Variants in HNRNPAB observed in about 807,000 individuals in gnomAD.
HNRNPAB encodes heterogeneous nuclear ribonucleoprotein A/B.
A neutral mutation model predicts 44.1 loss-of-function variants in HNRNPAB; 17 were observed. The observed-to-expected ratio is 0.39, with a 90% CI of 0.26 to 0.58. The LOEUF is 0.58. Among genes scored for constraint, HNRNPAB ranks in the 20% least tolerant of loss-of-function variants. The pLI, the probability that HNRNPAB is intolerant of heterozygous loss-of-function variation, is 0.63. For missense variants in HNRNPAB, 393 were observed against 432.7 expected, an observed-to-expected ratio of 0.91 and a Z score of 0.81; for synonymous variants, 183 against 167.6, an observed-to-expected ratio of 1.09 and a Z score of -0.71.
Position 178,204,695 on chromosome 5 carries a change from C to T in HNRNPAB, c.-69C>T. On this transcript the variant is annotated 5_prime_UTR_variant, in exon 1 of 8. Coordinates refer to ENST00000358344, the MANE Select transcript of HNRNPAB (RefSeq NM_031266.3). ...TGCGGCCGAGCCTGCGGCGCCTTCC[C>T]CTGCGGGTGGGGACGAGCGGGCCCC... is the stretch of plus-strand genomic sequence containing the variant. The T allele has an allele frequency of 5.1e-6, 2 of 391,164 alleles. No homozygotes were observed. The highest frequency in any genetic ancestry group is 8.3e-6 in the Non-Finnish European group (2 of 241,140). 24.2% of individuals were successfully genotyped at this position (391,164 alleles called of 1,614,324 possible).
rs977298703 is a variant in HNRNPAB at position 178,204,940 on chromosome 5, G to C, written c.103G>C (p.Gly35Arg). The change falls in exon 2 of 8, where the codon GGC becomes CGC. Residue 35 changes from glycine (G) to arginine (R), a missense_variant. Gly to Arg is a moderately radical substitution (Grantham distance 125). Transcript: ENST00000358344. ...EGESPAGAGT[G>R]AAAGAGGATA... Reference sequence around the variant, plus strand: ...CGAGTCGCCGGCCGGGGCTGGCACGGGCGCCGCGGCGGGGGCTGGAGGCGC... The same window carrying C: ...CGAGTCGCCGGCCGGGGCTGGCACGCGCGCCGCGGCGGGGGCTGGAGGCGC... 2 of 1,210,402 alleles carry C rather than the reference G, an allele frequency of 1.7e-6. No homozygotes were observed. The highest frequency in any genetic ancestry group is 2.1e-6 in the Non-Finnish European group (2 of 974,262). The allele number at this position is 1,210,402 out of a possible 1,614,324, so 75.0% of individuals were successfully genotyped here. A position where few individuals can be genotyped will look rare whatever the true frequency, so the allele number is the denominator to read the frequency against.
chr5:178,205,691 G>A, intron 2 of HNRNPAB, 151 bp from the exon 3 acceptor site: 1 of 678,422 alleles, frequency 1.5e-6, no homozygotes, highest in Non-Finnish European at 2.5e-6. Context: ...CAATTTGGAG[G>A]GTAGTGGAGA....
At chr5:178,205,667 G>T in intron 2 of HNRNPAB, 175 bp from the exon 3 acceptor site, 1 of 620,678 alleles carries the variant, frequency 1.6e-6, no homozygotes, top group Non-Finnish European at 2.8e-6. Flanking sequence ...CCTCGTTAGG[G>T]TCCTGGTTGA....
At chr5:178,207,868 C>G (rs1045232720) in intron 5 of HNRNPAB, among the ~76,000 whole-genome samples, 1 of 151,920 alleles carries the variant, frequency 6.6e-6, no homozygotes, top group African/African-American at 2.4e-5. Flanking sequence ...ATGCCTGGCT[C>G]ATATGTTTTT....
In HNRNPAB at chr5:178,210,586, G is replaced by A. The variant is rs1313509398; in HGVS notation, c.962G>A (p.Arg321Gln). ...QGSTNYGKSQRRGGHQNNYKP... is the reference protein window; with the variant it reads ...QGSTNYGKSQQRGGHQNNYKP... Reference sequence around the variant, plus strand: ...AGTACAAACTACGGCAAGAGCCAGCGACGTGGTGGCCATCAGAATAACTAC... The same window carrying A: ...AGTACAAACTACGGCAAGAGCCAGCAACGTGGTGGCCATCAGAATAACTAC... Residue 321 changes from arginine to glutamine, a missense_variant, in exon 8 of 8, where the codon CGA (arginine) becomes CAA (glutamine). By Grantham distance (43) the Arg-to-Gln change is conservative. Around this residue, in one of 3 missense-constraint regions of HNRNPAB, gnomAD observed 210 missense variants for 196.9 expected, o/e 1.07. Transcript: ENST00000358344. 5.0e-6 allele frequency: 8 copies of A among 1,614,062 alleles called. No homozygotes were observed. Among genetic ancestry groups the A allele is most frequent in the East Asian group, 4.5e-5 (2 of 44,902 alleles).
At chr5:178,206,686 C>T (rs775800744) in intron 3 of HNRNPAB, 46 bp from the exon 4 acceptor site, 2 of 1,593,592 alleles carry the variant, frequency 1.3e-6, no homozygotes, top group Non-Finnish European at 1.7e-6. Context: ...AGGGCCTTGT[C>T]TGGCTCGTGC....
intron 4 of HNRNPAB, 94 bp downstream of exon 4, chr5:178,206,984 A>G: frequency 6.3e-7 from 1 of 1,586,214 alleles, no homozygotes; most frequent in South Asian, 1.1e-5. Flanking sequence ...CCTCCCAGGC[A>G]GGGCTTATTT....
At chr5:178,206,309 G>A (rs1459936377) in intron 3 of HNRNPAB, among the ~76,000 whole-genome samples, 2 of 152,178 alleles carry the variant, frequency 1.3e-5, no homozygotes, top group Non-Finnish European at 2.9e-5. Context: ...GTCCATGATT[G>A]GTATGATAGG....
At position 178,205,058 on chromosome 5, in the gene HNRNPAB, C is replaced by A; in HGVS notation, c.209+12C>A. The A allele has an allele frequency of 8.3e-7, 1 of 1,202,610 alleles. No individual in the cohort carries two copies. Among genetic ancestry groups the A allele is most frequent in the Non-Finnish European group, 1.0e-6 (1 of 969,034 alleles). 74.5% of individuals were successfully genotyped at this position (1,202,610 alleles called of 1,614,324 possible). A position where few individuals can be genotyped will look rare whatever the true frequency, so the allele number is the denominator to read the frequency against. ...GAGGAGGACGCGGGGTAGGTGCGGCCGCGGGCGGACGGGGGCGCCGCCTTT... is the reference window on the plus strand; with the variant it reads ...GAGGAGGACGCGGGGTAGGTGCGGCAGCGGGCGGACGGGGGCGCCGCCTTT... On this transcript the variant is annotated intron_variant, in intron 2 of 7. Transcript: ENST00000358344.
At chr5:178,207,363 C>T in intron 5 of HNRNPAB, 138 bp downstream of exon 5, 2 of 994,810 alleles carry the variant, frequency 2.0e-6, no homozygotes, top group Non-Finnish European at 2.9e-6. Flanking sequence ...CGTATGCTGC[C>T]CTGATTGGGG....
intron 2 of HNRNPAB, 43 bp downstream of exon 2, chr5:178,205,089 G>A (rs967180649): frequency 2.5e-5 from 30 of 1,182,824 alleles, no homozygotes; most frequent in African/African-American, 4.8e-5. Flanking sequence ...CCTTTGTTCC[G>A]GGGCCGCCTT....
rs1447116722 is a variant in HNRNPAB, at chr5:178,209,364, A to G, written c.704A>G (p.Tyr235Cys). ...AAGGTGGCCCAGCCCAAAGAAGTCT[A>G]TCAGCAGCAGCAGTATGGCTCTGGG... ...EIKVAQPKEV[Y>C]QQQQYGSGGR... is the part of the protein sequence containing the mutation. Residue 235 changes from tyrosine to cysteine, a missense_variant, in exon 6 of 8, where the codon TAT (tyrosine) becomes TGT (cysteine). Tyr to Cys is a radical substitution (Grantham distance 194, BLOSUM62 -2). Transcript: ENST00000358344. The G allele has an allele frequency of 6.2e-7, 1 of 1,614,210 alleles. No homozygotes were observed. The highest frequency in any genetic ancestry group is 2.2e-5 in the East Asian group (1 of 44,882).
rs1463291338 is a variant in HNRNPAB, at chr5:178,206,732, G to A, written c.379G>A (p.Val127Ile). Residue 127 changes from valine to isoleucine, a missense_variant and splice_region_variant, in exon 4 of 8, where the codon GTC (valine) becomes ATC (isoleucine). Transcript: ENST00000358344. ...LFKDAASVEK[V>I]LDQKEHRLDG... ...GCCTGACCCCTTTCTGTTGGAACAGGTCCTAGACCAGAAGGAGCACAGGCT... is the reference window on the plus strand; with the variant it reads ...GCCTGACCCCTTTCTGTTGGAACAGATCCTAGACCAGAAGGAGCACAGGCT... 8 of 1,613,502 alleles carry A rather than the reference G, an allele frequency of 5.0e-6. No homozygotes were observed. The highest frequency in any genetic ancestry group is 6.8e-6 in the Non-Finnish European group (8 of 1,179,968).
At position 178,205,952 on chromosome 5, in the gene HNRNPAB, C is replaced by T; in HGVS notation, c.320C>T (p.Thr107Ile). ...TGTACAATAAAAATGGATCCCAACACTGGACGGTCAAGAGGGTTTGGGTTT... is the reference window on the plus strand; with the variant it reads ...TGTACAATAAAAATGGATCCCAACATTGGACGGTCAAGAGGGTTTGGGTTT... Reference protein sequence around the residue: ...VDCTIKMDPNTGRSRGFGFIL... With the variant: ...VDCTIKMDPNIGRSRGFGFIL... Residue 107 changes from threonine (T) to isoleucine (I), a missense_variant, in exon 3 of 8, where the codon ACT (threonine) becomes ATT (isoleucine). This residue lies in a region of HNRNPAB where 102 missense variants were observed against 162.3 expected (regional missense o/e 0.63). Transcript: ENST00000358344. 6.2e-7 allele frequency: 1 copy of T among 1,614,178 alleles called. No individual in the cohort carries two copies. Among genetic ancestry groups the T allele is most frequent in the South Asian group, 1.1e-5 (1 of 91,082 alleles).
At chr5:178,210,466 T>C in intron 7 of HNRNPAB, 87 bp from the exon 8 acceptor site, 1 of 1,479,100 alleles carries the variant, frequency 6.8e-7, no homozygotes, top group Non-Finnish European at 9.3e-7. Flanking sequence ...TCACGGCTGG[T>C]GAGGGTCCTG....
rs769563411 is a variant in HNRNPAB, at chr5:178,210,190, C to T, written c.846C>T (p.Tyr282=). The T allele has an allele frequency of 8.7e-6, 14 of 1,612,826 alleles. No homozygotes were observed. The highest frequency in any genetic ancestry group is 6.7e-5 in the Admixed American group (4 of 59,942). ...YGNYWNQGYG[Y]QQGYGPGYGG... ...ACTACTGGAACCAGGGCTACGGCTA[C>T]CAGCAGGGCTACGGGCCTGGCTATG... Residue 282 remains tyrosine, a synonymous_variant, in exon 7 of 8, where the codon TAC becomes TAT. Transcript: ENST00000358344.
intron 7 of HNRNPAB, 22 bp downstream of exon 7, chr5:178,210,294 C>A: frequency 1.9e-6 from 3 of 1,613,934 alleles, no homozygotes; most frequent in Non-Finnish European, 2.5e-6. Context: ...AGAGGGAGGC[C>A]CCATCCGCTC....
rs1374193675 is a variant in HNRNPAB at position 178,210,958 on chromosome 5, A to G, written c.*335A>G. ...TGTAAAGAGTAAATTGTATCTTAGG[A>G]AACCAGTGTCACCTTTTTTTCACCT... On this transcript the variant is annotated 3_prime_UTR_variant, in exon 8 of 8. Coordinates refer to ENST00000358344, the MANE Select transcript of HNRNPAB (RefSeq NM_031266.3). 2.9e-5 allele frequency: 9 copies of G among 305,452 alleles called. No homozygotes were observed. The highest frequency in any genetic ancestry group is 5.5e-5 in the Non-Finnish European group (9 of 164,802). 18.9% of individuals were successfully genotyped at this position (305,452 alleles called of 1,614,324 possible). A position where few individuals can be genotyped will look rare whatever the true frequency, so the allele number is the denominator to read the frequency against.
At chr5:178,207,292 TA>T in intron 5 of HNRNPAB, 67 bp downstream of exon 5, 1 of 1,587,212 alleles carries the variant, frequency 6.3e-7, no homozygotes, top group Non-Finnish European at 8.6e-7. Flanking sequence ...AGGGATGGGT[TA>T]GGGGTTGGGC....
Sources: allele counts gnomAD v4.1 joint callset (sites outside exome capture counted in the v4.1 genomes callset), GRCh38; gene constraint gnomAD v4.1.1; regional missense constraint gnomAD v4.1.1; transcripts MANE v1.5; gene names NCBI Gene and HGNC (gene_info 2026-07-23, HGNC 2026-07-21).